Variants in SRPK1 observed in about 807,000 individuals in gnomAD.
The protein encoded by SRPK1 is SFRS protein kinase 1.
SRPK1 carries 52 observed loss-of-function variants against 89.5 expected under a neutral mutation model. The ratio of observed to expected loss-of-function variants is 0.58; its 90% CI spans 0.46 to 0.73. The LOEUF is 0.73. Among genes scored for constraint, SRPK1 ranks in the 30% least tolerant of loss-of-function variants. The pLI, the probability that SRPK1 is intolerant of heterozygous loss-of-function variation, is 0.00. For missense variants in SRPK1, 603 were observed against 780.6 expected (o/e 0.77, Z 2.71); for synonymous variants, 255 against 270.2 (o/e 0.94, Z 0.55).
intron 14 of SRPK1, among the ~76,000 whole-genome samples, chr6:35,841,432 C>T (rs1769304393): frequency 6.6e-6 from 1 of 152,138 alleles, no homozygotes; most frequent in Non-Finnish European, 1.5e-5. Flanking sequence ...AAGGAAAGCA[C>T]AAAAAGTAAA....
chr6:35,855,129 G>A (rs563070485), intron 13 of SRPK1, among the ~76,000 whole-genome samples: 22 of 152,042 alleles, frequency 1.4e-4, no homozygotes, highest in South Asian at 6.2e-4. Flanking sequence ...GTGAAACCCC[G>A]TCTCTACTAA....
At chr6:35,901,580 T>C (rs1770739475) in intron 2 of SRPK1, among the ~76,000 whole-genome samples, 1 of 152,238 alleles carries the variant, frequency 6.6e-6, no homozygotes, top group South Asian at 2.1e-4. Flanking sequence ...CATGTTTGTA[T>C]ACTTATTTCC....
Position 35,834,210 on chromosome 6 carries a change from C to A in SRPK1, c.*1094G>T, listed in dbSNP as rs1228544428. The A allele has an allele frequency of 6.6e-6, 1 of 152,502 alleles. No individual in the cohort carries two copies. Among genetic ancestry groups the A allele is most frequent in the Non-Finnish European group, 1.5e-5 (1 of 68,020 alleles). The allele number at this position is 152,502 out of a possible 1,614,324, so 9.4% of individuals were successfully genotyped here. A position where few individuals can be genotyped will look rare whatever the true frequency, so the allele number is the denominator to read the frequency against. ...CAACAAAAAAAAGTGCCATCCCACC[C>A]CTCCCCTTGGTTCTTTCATTTGGGG... On this transcript the variant is annotated 3_prime_UTR_variant, in exon 16 of 16. Transcript: ENST00000373825.
chr6:35,889,387 C>G (rs1770472965), intron 3 of SRPK1, among the ~76,000 whole-genome samples: 1 of 151,882 alleles, frequency 6.6e-6, no homozygotes, highest in Non-Finnish European at 1.5e-5. Context: ...GTGGCTCATG[C>G]CTGTAATCCC....
At chr6:35,870,799 G>C in intron 9 of SRPK1, 135 bp downstream of exon 9, 1 of 779,184 alleles carries the variant, frequency 1.3e-6, no homozygotes, top group Non-Finnish European at 2.0e-6. Context: ...ATTTACTGGA[G>C]AAAATTATAG....
In SRPK1 at chr6:35,853,510, G is replaced by A. The variant is rs549663923; in HGVS notation, c.1620+3751C>T. ...AGAACCAATCCCCTGAGGACATTAAGGGATGACTGAATATTCTCTAGTTTT... is the reference window on the plus strand; with the variant it reads ...AGAACCAATCCCCTGAGGACATTAAAGGATGACTGAATATTCTCTAGTTTT... On this transcript the variant is annotated intron_variant, in intron 13 of 15. Coordinates refer to ENST00000373825, the MANE Select transcript of SRPK1 (RefSeq NM_003137.5). 1.4e-4 allele frequency among the ~76,000 whole-genome samples: 22 copies of A among 152,048 alleles called. No homozygotes were observed. The South Asian group carries it at 4.1e-3, about 29-fold the overall frequency.
At chr6:35,850,396 A>G (rs892366790) in intron 13 of SRPK1, among the ~76,000 whole-genome samples, 1 of 152,204 alleles carries the variant, frequency 6.6e-6, no homozygotes, top group African/African-American at 2.4e-5. Flanking sequence ...AAGCAAACGA[A>G]AGATGTCTTA....
At chr6:35,872,450 A>C (rs992110457) in intron 8 of SRPK1, 113 bp downstream of exon 8, 43 of 1,004,708 alleles carry the variant, frequency 4.3e-5, no homozygotes, top group Admixed American at 3.0e-4. Context: ...ATGTTTCTTA[A>C]ATATGTTATT....
chr6:35,844,138 G>A (rs1480848959), intron 13 of SRPK1, among the ~76,000 whole-genome samples: 1 of 151,606 alleles, frequency 6.6e-6, no homozygotes, highest in Non-Finnish European at 1.5e-5. Flanking sequence ...CCCAGTAGGT[G>A]GGACTACAGG....
At chr6:35,911,231 G>A (rs1016515420) in intron 2 of SRPK1, among the ~76,000 whole-genome samples, 1 of 152,194 alleles carries the variant, frequency 6.6e-6, no homozygotes, top group Non-Finnish European at 1.5e-5. Context: ...ATTAACAGGA[G>A]TTTGGAAGAA....
intron 13 of SRPK1, among the ~76,000 whole-genome samples, chr6:35,851,763 G>C (rs1003471390): frequency 6.6e-6 from 1 of 152,196 alleles, no homozygotes; most frequent in Non-Finnish European, 1.5e-5. Flanking sequence ...ACTGAGGCTA[G>C]AGACATCATG....
rs865846686 is a variant in SRPK1 at position 35,874,068 on chromosome 6, C to G, written c.585+165G>C. Among the ~76,000 whole-genome samples the G allele has an allele frequency of 3.9e-5, 6 of 152,008 alleles. No homozygotes were observed. In the South Asian group the frequency reaches 6.2e-4, roughly 16 times the overall value. On this transcript the variant is annotated intron_variant, in intron 7 of 15. Transcript: ENST00000373825. ...GGTCTTGATCTCCTGACCTCGTGAT[C>G]TGCCCGCCTCGGCCTCCCAAAGTGC...
chr6:35,904,625 C>T (rs1379405520), intron 2 of SRPK1, among the ~76,000 whole-genome samples: 2 of 149,780 alleles, frequency 1.3e-5, no homozygotes, highest in Non-Finnish European at 3.0e-5. Flanking sequence ...ATGGTGAAAC[C>T]CCGTCTCTAC....
chr6:35,836,177 G>A (rs568744688), intron 15 of SRPK1, among the ~76,000 whole-genome samples: 12 of 152,226 alleles, frequency 7.9e-5, no homozygotes, highest in African/African-American at 2.6e-4. Flanking sequence ...GATTCTCACA[G>A]GAGCGTGAAT....
chr6:35,855,806 C>T (rs1486348431), intron 13 of SRPK1, among the ~76,000 whole-genome samples: 1 of 152,198 alleles, frequency 6.6e-6, no homozygotes, highest in African/African-American at 2.4e-5. Context: ...GCGATCTTGG[C>T]TCACTGCAAC....
At chr6:35,912,831 T>G (rs563060928) in intron 2 of SRPK1, among the ~76,000 whole-genome samples, 2 of 152,372 alleles carry the variant, frequency 1.3e-5, no homozygotes, top group Admixed American at 6.5e-5. Flanking sequence ...TCACCTAGGC[T>G]GGAGTGCAGT....
chr6:35,900,892 C>T (rs955617859), intron 2 of SRPK1, among the ~76,000 whole-genome samples: 22 of 152,136 alleles, frequency 1.4e-4, no homozygotes, highest in African/African-American at 5.1e-4. Flanking sequence ...TGGTGGCACA[C>T]ACCTGTAGTC....
At chr6:35,914,476 G>C (rs1285696075) in intron 2 of SRPK1, among the ~76,000 whole-genome samples, 2 of 152,138 alleles carry the variant, frequency 1.3e-5, no homozygotes, top group South Asian at 2.1e-4. Flanking sequence ...GCTTTGCCTA[G>C]AGCAGTCCTC....
intron 4 of SRPK1, among the ~76,000 whole-genome samples, chr6:35,888,389 A>C (rs1770452814): frequency 6.6e-6 from 1 of 152,170 alleles, no homozygotes; most frequent in Admixed American, 6.5e-5. Context: ...CTGAGTTACA[A>C]GCAAAACTGC....
Sources: gnomAD v4.1 joint callset for allele counts (sites outside exome capture counted in the v4.1 genomes callset) on GRCh38, gnomAD v4.1.1 for gene constraint, MANE v1.5 for transcripts, NCBI Gene and HGNC (gene_info 2026-07-23, HGNC 2026-07-21) for gene names.